Variants in SNTG1 observed in about 807,000 individuals in gnomAD.
SNTG1 encodes gamma-1-syntrophin.
In SNTG1, 39 loss-of-function variants were observed where a neutral mutation model predicts 74.7. The ratio of observed to expected loss-of-function variants is 0.52; its 90% CI spans 0.40 to 0.68. The LOEUF is 0.68. Ranked by LOEUF, SNTG1 falls within the 30% of genes least tolerant of loss-of-function variation. The probability of loss-of-function intolerance (pLI) is 0.00; values close to 1 mark genes in which losing one functional copy is unlikely to be tolerated. For synonymous variants in SNTG1, 254 were observed against 217.1 expected (o/e 1.17, Z -1.49); for missense variants, 685 against 609.5 (o/e 1.12, Z -1.30).
chr8:50,410,802 T>G (rs1350553594), intron 4 of SNTG1, among the ~76,000 whole-genome samples: 1 of 152,200 alleles, frequency 6.6e-6, no homozygotes, highest in East Asian at 1.9e-4. Context: ...CTAAGCATAA[T>G]GTCCTCTGTT....
At chr8:50,348,916 T>C (rs1019486277) in intron 2 of SNTG1, among the ~76,000 whole-genome samples, 1 of 152,220 alleles carries the variant, frequency 6.6e-6, no homozygotes, top group Admixed American at 6.5e-5. Context: ...TTTCAGTATA[T>C]ACTCATACAT....
chr8:49,989,991 C>T (rs1813525894), intron 1 of SNTG1, among the ~76,000 whole-genome samples: 1 of 151,894 alleles, frequency 6.6e-6, no homozygotes, highest in Admixed American at 6.6e-5. Flanking sequence ...CTATAGCTAA[C>T]ATAACTTATT....
intron 1 of SNTG1, among the ~76,000 whole-genome samples, chr8:50,014,531 A>G (rs1816129373): frequency 6.6e-6 from 1 of 152,166 alleles, no homozygotes; most frequent in Admixed American, 6.6e-5. Flanking sequence ...CATGACTAAG[A>G]AAGATCTTAG....
chr8:50,264,180 T>C (rs1186252837), intron 2 of SNTG1, among the ~76,000 whole-genome samples: 1 of 152,162 alleles, frequency 6.6e-6, no homozygotes, highest in African/African-American at 2.4e-5. Flanking sequence ...ATCCAGATAA[T>C]GTAGCGTTTA....
chr8:50,029,232 C>T lies in SNTG1; in HGVS notation c.-103+117001C>T, dbSNP rs1028824788. Among the ~76,000 whole-genome samples the T allele has an allele frequency of 7.9e-5, 12 of 152,036 alleles. No homozygotes were observed. The South Asian group carries it at 1.0e-3, about 13-fold the overall frequency. The stretch of plus-strand genomic sequence containing the variant: ...GGCTCATAATAGGTGTATAAATTTA[C>T]AGGGTTACATGTGATGTTTTGATAC... On this transcript the variant is annotated intron_variant, in intron 1 of 18. Transcript: ENST00000642720.
intron 15 of SNTG1, among the ~76,000 whole-genome samples, chr8:50,674,720 T>G (rs2095302046): frequency 6.6e-6 from 1 of 152,140 alleles, no homozygotes; most frequent in African/African-American, 2.4e-5. Context: ...TTGAATTAGT[T>G]TGCTCTTGCC....
At chr8:49,965,833 C>T (rs1811086831) in intron 1 of SNTG1, among the ~76,000 whole-genome samples, 1 of 152,116 alleles carries the variant, frequency 6.6e-6, no homozygotes. Flanking sequence ...GTCATTTCTA[C>T]TAATTCAGTG....
chr8:50,363,725 A>C (rs2092029353), intron 2 of SNTG1, among the ~76,000 whole-genome samples: 1 of 152,148 alleles, frequency 6.6e-6, no homozygotes, highest in African/African-American at 2.4e-5. Flanking sequence ...GTTTAAGAAG[A>C]TGCAGCCATT....
intron 12 of SNTG1, among the ~76,000 whole-genome samples, chr8:50,570,785 T>C (rs2094545003): frequency 6.6e-6 from 1 of 151,538 alleles, no homozygotes; most frequent in Non-Finnish European, 1.5e-5. Context: ...TTGTATTTTT[T>C]AGTAGAGACA....
chr8:50,414,034 A>G (rs1018368074), intron 4 of SNTG1, among the ~76,000 whole-genome samples: 2 of 152,140 alleles, frequency 1.3e-5, no homozygotes, highest in African/African-American at 4.8e-5. Flanking sequence ...TAATTGCAAG[A>G]TCTGCAGTCT....
At chr8:49,949,117 G>T (rs181963042) in intron 1 of SNTG1, among the ~76,000 whole-genome samples, 2 of 152,120 alleles carry the variant, frequency 1.3e-5, no homozygotes, top group Admixed American at 6.5e-5. Context: ...TATTCGTTCT[G>T]TCCAGGCCTG....
At chr8:50,606,338 A>G (rs1048481232) in intron 13 of SNTG1, among the ~76,000 whole-genome samples, 1 of 152,114 alleles carries the variant, frequency 6.6e-6, no homozygotes, top group Non-Finnish European at 1.5e-5. Flanking sequence ...TTTCTCTTAG[A>G]AACCATTCTA....
chr8:50,764,853 A>T (rs1563818471), intron 18 of SNTG1, among the ~76,000 whole-genome samples: 1 of 152,024 alleles, frequency 6.6e-6, no homozygotes, highest in Non-Finnish European at 1.5e-5. Context: ...CTCCACTCAC[A>T]ATAGCCAACA....
At chr8:50,537,872 T>G (rs1213071552) in intron 11 of SNTG1, among the ~76,000 whole-genome samples, 2 of 152,188 alleles carry the variant, frequency 1.3e-5, no homozygotes, top group Non-Finnish European at 2.9e-5. Context: ...TAAAACTTTT[T>G]CACAAAAACA....
intron 1 of SNTG1, among the ~76,000 whole-genome samples, chr8:49,955,285 T>C (rs933726086): frequency 6.6e-6 from 1 of 152,240 alleles, no homozygotes; most frequent in Admixed American, 6.5e-5. Context: ...AAACCTAAAA[T>C]GATCTCATTA....
chr8:50,721,582 G>A lies in SNTG1; in HGVS notation c.1284+12604G>A, dbSNP rs1468567221. The stretch of plus-strand genomic sequence containing the variant: ...ATTTTAAGAAAGAAGTCAGGCATTA[G>A]CAATAAGAGTTTATTTATAATCATG... On this transcript the variant is annotated intron_variant, in intron 17 of 18. Coordinates refer to ENST00000642720, the MANE Select transcript of SNTG1 (RefSeq NM_018967.5). Among the ~76,000 whole-genome samples, 3 of 152,148 alleles carry A rather than the reference G, an allele frequency of 2.0e-5. No individual in the cohort carries two copies. The East Asian group carries it at 5.8e-4, about 29-fold the overall frequency.
chr8:50,548,944 G>A (rs1346767542), intron 11 of SNTG1, among the ~76,000 whole-genome samples: 1 of 152,114 alleles, frequency 6.6e-6, no homozygotes, highest in African/African-American at 2.4e-5. Context: ...TTCACGACCA[G>A]AGGAACTGCG....
intron 1 of SNTG1, among the ~76,000 whole-genome samples, chr8:50,038,195 C>G (rs1482649942): frequency 6.6e-6 from 1 of 152,138 alleles, no homozygotes; most frequent in Non-Finnish European, 1.5e-5. Flanking sequence ...AACAATCACT[C>G]TTTTCCACCC....
intron 13 of SNTG1, among the ~76,000 whole-genome samples, chr8:50,638,246 G>C (rs2095051275): frequency 1.3e-5 from 2 of 152,000 alleles, no homozygotes; most frequent in African/African-American, 4.8e-5. Context: ...TAGCTCAGTA[G>C]GACCTGTTTC....
Sources: gnomAD v4.1 joint callset for allele counts (sites outside exome capture counted in the v4.1 genomes callset) on GRCh38, gnomAD v4.1.1 for gene constraint, MANE v1.5 for transcripts, NCBI Gene and HGNC (gene_info 2026-07-23, HGNC 2026-07-21) for gene names.